CCDC62: variants seen among roughly 807,000 people sequenced by gnomAD.
The protein encoded by CCDC62 is coiled-coil domain-containing protein 62.
Under a neutral mutation model 80.8 loss-of-function variants are expected in CCDC62, and 72 were observed. The observed-to-expected ratio is 0.89, with a 90% confidence interval of 0.74 to 1.08. The LOEUF is 1.08. Ranked by LOEUF, CCDC62 falls within the 50% of genes least tolerant of loss-of-function variation. CCDC62 has a pLI of 0.00. For missense variants in CCDC62, 704 were observed against 809.4 expected (o/e 0.87, Z 1.58); for synonymous variants, 286 against 296.5 (o/e 0.96, Z 0.36).
chr12:122,790,527 G>T (rs969329573), intron 5 of CCDC62, among the ~76,000 whole-genome samples: 11 of 152,100 alleles, frequency 7.2e-5, no homozygotes, highest in Non-Finnish European at 1.3e-4. Context: ...GCATGGTGGT[G>T]TGATCCTGTA....
rs762816058 is a variant in CCDC62, at chr12:122,806,234, A to G, written c.1790A>G (p.Asn597Ser). 7 of 1,613,874 alleles carry G rather than the reference A, an allele frequency of 4.3e-6. No individual in the cohort carries two copies. In the Admixed American group the frequency reaches 8.3e-5, roughly 19 times the overall value. The part of the protein sequence containing the change: ...LREDETESSS[N>S]KKNSPTSLLI... ...GAAGATGAGACGGAGTCCTCTTCCA[A>G]TAAAAAGAACTCACCTACGAGTTTG... Residue 597 changes from asparagine to serine, a missense_variant, in exon 10 of 13, where the codon AAT becomes AGT. Coordinates refer to ENST00000253079, the MANE Select transcript of CCDC62 (RefSeq NM_201435.5).
chr12:122,780,614 AAAAATAAAATAAAATAAAAT>A (rs57578843), intron 2 of CCDC62, among the ~76,000 whole-genome samples: 300 of 136,536 alleles, frequency 2.2e-3, no homozygotes, highest in South Asian at 0.014. Flanking sequence ...ACTCTGTCTC[AAAAATAAAATAAAATAAAAT>A]AAAATAAAAT....
intron 9 of CCDC62, among the ~76,000 whole-genome samples, chr12:122,803,865 C>T (rs1472837097): frequency 6.6e-6 from 1 of 152,108 alleles, no homozygotes; most frequent in African/African-American, 2.4e-5. Context: ...GTTTTAAGAG[C>T]ATAGAGGATT....
At chr12:122,775,754 A>G (rs1879409115) in intron 1 of CCDC62, among the ~76,000 whole-genome samples, 1 of 152,152 alleles carries the variant, frequency 6.6e-6, no homozygotes, top group Non-Finnish European at 1.5e-5. Context: ...CTGGGACTAC[A>G]GGCTCCCACC....
rs566448567 is a variant in CCDC62, at chr12:122,777,287, A to C, written c.37-204A>C. On this transcript the variant is annotated intron_variant, in intron 1 of 12. Coordinates refer to ENST00000253079, the MANE Select transcript of CCDC62 (RefSeq NM_201435.5). Reference sequence around the variant, plus strand: ...GCATGGTACGTATGGCATGACAGAAAATTGTAGAGAGGCAGAGTGCATGGT... The same window carrying C: ...GCATGGTACGTATGGCATGACAGAACATTGTAGAGAGGCAGAGTGCATGGT... The C allele has an allele frequency of 7.9e-4, 400 of 508,692 alleles. 4 individuals carry two copies. In the South Asian group the frequency reaches 0.01, roughly 13 times the overall value. The allele number at this position is 508,692 out of a possible 1,614,324, so 31.5% of individuals were successfully genotyped here.
chr12:122,821,956 C>T (rs899035924), intron 11 of CCDC62, among the ~76,000 whole-genome samples: 4 of 151,254 alleles, frequency 2.6e-5, no homozygotes, highest in Non-Finnish European at 5.9e-5. Context: ...TGGCTGGGCA[C>T]AATGGCTCAC....
rs777892644 is a variant in CCDC62 at position 122,792,075 on chromosome 12, C to A, written c.726C>A (p.Arg242=). The change falls in exon 6 of 13, where the codon CGC becomes CGA. Residue 242 remains arginine (R), a synonymous_variant. Coordinates refer to ENST00000253079, the MANE Select transcript of CCDC62 (RefSeq NM_201435.5). The stretch of plus-strand genomic sequence containing the variant: ...ATGAGCAACGAGAAGAGATCATTCG[C>A]CTCAAGCAAGAGAAAAGTTGCCTGC... The part of the protein sequence containing the change: ...ENNEQREEII[R]LKQEKSCLHD... 6.2e-7 allele frequency: 1 copy of A among 1,613,994 alleles called. No individual in the cohort carries two copies. The highest frequency in any genetic ancestry group is 1.1e-5 in the South Asian group (1 of 91,080).
intron 5 of CCDC62, among the ~76,000 whole-genome samples, chr12:122,789,452 C>T (rs146975464): frequency 1.7e-3 from 260 of 152,240 alleles, no homozygotes; most frequent in African/African-American, 6.0e-3. Context: ...TATTTATTTT[C>T]GACAGAATCT....
At chr12:122,819,516 T>C (rs1474161027) in intron 11 of CCDC62, among the ~76,000 whole-genome samples, 4 of 152,194 alleles carry the variant, frequency 2.6e-5, no homozygotes, top group Non-Finnish European at 5.9e-5. Flanking sequence ...CTTCTGCATG[T>C]GTATGAAATG....
At chr12:122,775,840 C>G (rs1411479086) in intron 1 of CCDC62, among the ~76,000 whole-genome samples, 1 of 152,096 alleles carries the variant, frequency 6.6e-6, no homozygotes, top group South Asian at 2.1e-4. Flanking sequence ...CTCGAACTCC[C>G]GACCTCAGGT....
At chr12:122,783,258 C>T (rs1476117738) in intron 3 of CCDC62, among the ~76,000 whole-genome samples, 7 of 143,814 alleles carry the variant, frequency 4.9e-5, no homozygotes, top group South Asian at 4.4e-4. Flanking sequence ...GACGGAGTCT[C>T]GTTCTGTCGC....
chr12:122,802,649 A>G (rs184967462), intron 9 of CCDC62, among the ~76,000 whole-genome samples: 133 of 151,832 alleles, frequency 8.8e-4, no homozygotes, highest in African/African-American at 3.1e-3. Context: ...CCTGACTTCC[A>G]GTGGTCCACC....
rs1479519112 is a variant in CCDC62, at chr12:122,827,139, A to G, written c.*758A>G. On this transcript the variant is annotated 3_prime_UTR_variant, in exon 13 of 13. Transcript: ENST00000253079. ...AATTTAATTTTTTAAAGATTATACTATATGCCTCTGTGTCTTCTCTAAAAG... is the reference window on the plus strand; with the variant it reads ...AATTTAATTTTTTAAAGATTATACTGTATGCCTCTGTGTCTTCTCTAAAAG... 1.3e-5 allele frequency: 2 copies of G among 152,240 alleles called. No individual in the cohort carries two copies. Among genetic ancestry groups the G allele is most frequent in the Non-Finnish European group, 2.9e-5 (2 of 68,054 alleles). 9.4% of individuals were successfully genotyped at this position (152,240 alleles called of 1,614,324 possible). A position where few individuals can be genotyped will look rare whatever the true frequency, so the allele number is the denominator to read the frequency against.
intron 2 of CCDC62, among the ~76,000 whole-genome samples, chr12:122,780,321 A>G (rs1879765415): frequency 2.0e-5 from 3 of 147,178 alleles, no homozygotes; most frequent in Admixed American, 1.4e-4. Context: ...AACGAAAAAA[A>G]AAAAAAAGAA....
chr12:122,801,794 A>G lies in CCDC62; in HGVS notation c.1648A>G (p.Lys550Glu), dbSNP rs1566080484. 1 of 1,614,160 alleles carries G rather than the reference A, an allele frequency of 6.2e-7. No individual in the cohort carries two copies. The highest frequency in any genetic ancestry group is 8.5e-7 in the Non-Finnish European group (1 of 1,180,020). Residue 550 changes from lysine (K) to glutamate (E), a missense_variant, in exon 9 of 13, where the codon AAA (lysine) becomes GAA (glutamate). By Grantham distance (56) the Lys-to-Glu change is moderately conservative (BLOSUM62 1). Coordinates refer to ENST00000253079, the MANE Select transcript of CCDC62 (RefSeq NM_201435.5). ...PSKMQRIVRL[K>E]SGCTCSESIC... ...CAAAATGCAGAGAATTGTCCGCCTC[A>G]AATCTGGGTGCACCTGTTCAGAAAG...
chr12:122,786,439 C>T (rs2030239110), intron 4 of CCDC62, among the ~76,000 whole-genome samples: 1 of 147,490 alleles, frequency 6.8e-6, no homozygotes. Flanking sequence ...TGAGCCACCG[C>T]GCTCAGCCAG....
intron 12 of CCDC62, among the ~76,000 whole-genome samples, chr12:122,824,434 AC>A (rs958995816): frequency 2.0e-5 from 3 of 151,400 alleles, no homozygotes; most frequent in African/African-American, 7.3e-5. Context: ...CAAACAAAAA[AC>A]CAAACAAACA....
In CCDC62 at chr12:122,785,713, T is replaced by C; in HGVS notation, c.397-6T>C. 6.2e-7 allele frequency: 1 copy of C among 1,602,068 alleles called. No homozygotes were observed. The highest frequency in any genetic ancestry group is 8.6e-7 in the Non-Finnish European group (1 of 1,169,074). On this transcript the variant is annotated splice_polypyrimidine_tract_variant and splice_region_variant and intron_variant, in intron 3 of 12. Coordinates refer to ENST00000253079, the MANE Select transcript of CCDC62 (RefSeq NM_201435.5). Reference sequence around the variant, plus strand: ...AAGCAGTATCATCTGTGTTGTTTTCTTGTAGGCTAGAAACGAAACTCTCAG... The same window carrying C: ...AAGCAGTATCATCTGTGTTGTTTTCCTGTAGGCTAGAAACGAAACTCTCAG...
intron 6 of CCDC62, among the ~76,000 whole-genome samples, chr12:122,797,069 G>A (rs1429580606): frequency 6.6e-6 from 1 of 151,966 alleles, no homozygotes; most frequent in East Asian, 1.9e-4. Flanking sequence ...GTAGAAATGG[G>A]GTTTCACCAT....
Sources: gnomAD v4.1 joint callset for allele counts (sites outside exome capture counted in the v4.1 genomes callset) on GRCh38, gnomAD v4.1.1 for gene constraint, MANE v1.5 for transcripts, NCBI Gene and HGNC (gene_info 2026-07-23, HGNC 2026-07-21) for gene names.